VIM: variants seen among roughly 807,000 people sequenced by gnomAD.
VIM encodes epididymis secretory sperm binding protein.
VIM carries 18 observed loss-of-function variants against 50.3 expected under a neutral mutation model. The observed-to-expected ratio is 0.36, with a 90% confidence interval of 0.25 to 0.53. VIM has a LOEUF of 0.53. VIM is among the 20% of genes least tolerant of loss of function. VIM has a pLI of 0.91. For missense variants in VIM, 551 were observed against 614.7 expected (o/e 0.90, Z 1.10); for synonymous variants, 245 against 248.5 (o/e 0.99, Z 0.13).
chr10:17,234,618 A>G (rs1846854390), intron 5 of VIM, 75 bp from the exon 6 acceptor site: 2 of 1,598,600 alleles, frequency 1.3e-6, no homozygotes, highest in East Asian at 2.2e-5. Flanking sequence ...TCAGTGAGAA[A>G]TATGATTTTT....
Position 17,233,137 on chromosome 10 carries a change from G to A in VIM, c.625-450G>A, listed in dbSNP as rs1050084782. On this transcript the variant is annotated intron_variant, in intron 3 of 9. Transcript: ENST00000544301. ...TAATTTTTGTATTTTTGGTAGAGAC[G>A]GGGTTTCGCCATGTTGGCTAGGCTG... 3.3e-5 allele frequency: 7 copies of A among 215,020 alleles called. No individual in the cohort carries two copies. In the East Asian group the frequency reaches 4.9e-4, roughly 15 times the overall value. The allele number at this position is 215,020 out of a possible 1,614,324, so 13.3% of individuals were successfully genotyped here.
At position 17,229,508 on chromosome 10, in the gene VIM, G is replaced by C; in HGVS notation, c.86G>C (p.Ser29Thr). The C allele has an allele frequency of 6.2e-7, 1 of 1,608,134 alleles. No individual in the cohort carries two copies. Among genetic ancestry groups the C allele is most frequent in the Non-Finnish European group, 8.5e-7 (1 of 1,179,184 alleles). ...GTASRPSSSR[S>T]YVTTSTRTYS... is the part of the protein sequence containing the mutation. ...GCGAGCCGGCCGAGCTCCAGCCGGA[G>C]CTACGTGACTACGTCCACCCGCACC... The change falls in exon 2 of 10, where the codon AGC becomes ACC. Residue 29 changes from serine to threonine, a missense_variant. Ser to Thr is a moderately conservative substitution (Grantham distance 58, BLOSUM62 1). Around this residue, in one of 3 missense-constraint regions of VIM, gnomAD observed 134 missense variants for 126.4 expected, o/e 1.06. Transcript: ENST00000544301.
rs541300349 is a variant in VIM, at chr10:17,237,441, A to C, written c.*170A>C. On this transcript the variant is annotated 3_prime_UTR_variant, in exon 10 of 10. Transcript: ENST00000544301. ...AACAACCGACACTCCTACAAGATTT[A>C]GAAAAAAGTTTACAACATAATCTAG... 9.3e-6 allele frequency: 6 copies of C among 644,174 alleles called. No individual in the cohort carries two copies. The highest frequency in any genetic ancestry group is 9.2e-5 in the African/African-American group (5 of 54,356). 39.9% of individuals were successfully genotyped at this position (644,174 alleles called of 1,614,324 possible).
intron 2 of VIM, 88 bp from the exon 3 acceptor site, chr10:17,230,562 C>T: frequency 2.8e-6 from 4 of 1,407,846 alleles, no homozygotes; most frequent in Non-Finnish European, 4.0e-6. Context: ...GCTCTGGAGG[C>T]GCAGAGCGAA....
chr10:17,236,583 A>G (rs1846892964), intron 9 of VIM, among the ~76,000 whole-genome samples: 3 of 152,234 alleles, frequency 2.0e-5, no homozygotes. Context: ...AAGTTGAGAT[A>G]GCAGTCTTCC....
chr10:17,237,176 A>C, intron 9 of VIM, 54 bp from the exon 10 acceptor site: 1 of 1,458,348 alleles, frequency 6.9e-7, no homozygotes, highest in Non-Finnish European at 9.5e-7. Context: ...ATATAGGATA[A>C]TTTAGTCTTT....
At chr10:17,229,246 T>G in intron 1 of VIM, 30 bp from the exon 2 acceptor site, 1 of 593,598 alleles carries the variant, frequency 1.7e-6, no homozygotes, top group East Asian at 3.4e-5. Context: ...CTAACGGGGT[T>G]ATAAAAACAG....
intron 6 of VIM, 133 bp from the exon 7 acceptor site, chr10:17,235,036 C>A: frequency 8.4e-7 from 1 of 1,192,874 alleles, no homozygotes; most frequent in Non-Finnish European, 1.2e-6. Context: ...TTGGTACTCG[C>A]ATTCTCCACC....
intron 2 of VIM, chr10:17,230,375 G>T (rs947719227): frequency 1.7e-6 from 1 of 576,272 alleles, no homozygotes; most frequent in Non-Finnish European, 3.1e-6. Context: ...GGGGAAGGCG[G>T]TGGAGGGAGC....
Position 17,229,703 on chromosome 10 carries a change from C to T in VIM, c.281C>T (p.Thr94Ile). The T allele has an allele frequency of 6.4e-7, 1 of 1,571,480 alleles. No homozygotes were observed. The highest frequency in any genetic ancestry group is 1.2e-5 in the South Asian group (1 of 86,112). Residue 94 changes from threonine (T) to isoleucine (I), a missense_variant, in exon 2 of 10, where the codon ACC becomes ATC. Physicochemically the swap from Thr to Ile is moderately conservative, Grantham distance 89. Coordinates refer to ENST00000544301, the MANE Select transcript of VIM (RefSeq NM_003380.5). The stretch of plus-strand genomic sequence containing the variant: ...TTCTCGCTGGCCGACGCCATCAACA[C>T]CGAGTTCAAGAACACCCGCACCAAC... ...VDFSLADAIN[T>I]EFKNTRTNEK... is the part of the protein sequence containing the mutation.
intron 7 of VIM, 149 bp downstream of exon 7, chr10:17,235,538 G>C: frequency 1.1e-6 from 1 of 904,352 alleles, no homozygotes; most frequent in Non-Finnish European, 1.7e-6. Flanking sequence ...AATTTGAATT[G>C]AGAGAGAGTA....
At position 17,229,506 on chromosome 10, in the gene VIM, G is replaced by A. The variant is rs1259578413; in HGVS notation, c.84G>A (p.Arg28=). The change falls in exon 2 of 10, where the codon CGG becomes CGA. Residue 28 remains arginine, a synonymous_variant. Coordinates refer to ENST00000544301, the MANE Select transcript of VIM (RefSeq NM_003380.5). The stretch of plus-strand genomic sequence containing the variant: ...CCGCGAGCCGGCCGAGCTCCAGCCG[G>A]AGCTACGTGACTACGTCCACCCGCA... ...PGTASRPSSS[R]SYVTTSTRTY... The A allele has an allele frequency of 1.2e-6, 2 of 1,607,954 alleles. No homozygotes were observed. The highest frequency in any genetic ancestry group is 2.7e-5 in the African/African-American group (2 of 74,834).
rs1049424533 is a variant in VIM, at chr10:17,235,201, G to A, written c.1041G>A (p.Met347Ile). Residue 347 changes from methionine (M) to isoleucine (I), a missense_variant, in exon 7 of 10, where the codon ATG becomes ATA. By Grantham distance (10) the Met-to-Ile change is conservative (BLOSUM62 1). Around this residue, in one of 3 missense-constraint regions of VIM, gnomAD observed 394 missense variants for 437.5 expected, o/e 0.90. Coordinates refer to ENST00000544301, the MANE Select transcript of VIM (RefSeq NM_003380.5). ...CCCTGGAACGCCAGATGCGTGAAAT[G>A]GAAGAGAACTTTGCCGTTGAAGCTG... ...NESLERQMRE[M>I]EENFAVEAAN... 1.9e-6 allele frequency: 3 copies of A among 1,614,108 alleles called. No individual in the cohort carries two copies. Among genetic ancestry groups the A allele is most frequent in the Non-Finnish European group, 2.5e-6 (3 of 1,180,048 alleles).
In VIM at chr10:17,229,793, T is replaced by C; in HGVS notation, c.371T>C (p.Leu124Pro). The C allele has an allele frequency of 6.3e-7, 1 of 1,595,308 alleles. No individual in the cohort carries two copies. The highest frequency in any genetic ancestry group is 8.5e-7 in the Non-Finnish European group (1 of 1,170,876). The change falls in exon 2 of 10, where the codon CTG becomes CCG. Residue 124 changes from leucine (L) to proline (P), a missense_variant. Around this residue, in one of 3 missense-constraint regions of VIM, gnomAD observed 394 missense variants for 437.5 expected, o/e 0.90. Transcript: ENST00000544301. ...FANYIDKVRF[L>P]EQQNKILLAE... The stretch of plus-strand genomic sequence containing the variant: ...AACTACATCGACAAGGTGCGCTTCC[T>C]GGAGCAGCAGAATAAGATCCTGCTG...
chr10:17,234,682 C>A lies in VIM; in HGVS notation c.883-11C>A. 6.2e-7 allele frequency: 1 copy of A among 1,613,616 alleles called. No individual in the cohort carries two copies. On this transcript the variant is annotated splice_polypyrimidine_tract_variant and intron_variant, in intron 5 of 9. Transcript: ENST00000544301. ...TGTGAGCAATCTACATTTCTGTTTT[C>A]TTCCCAACAGTTTGCTGACCTCTCT...
chr10:17,230,815 A>G (rs754370566), intron 3 of VIM, 105 bp downstream of exon 3: 5 of 1,341,292 alleles, frequency 3.7e-6, no homozygotes, highest in Non-Finnish European at 5.3e-6. Context: ...GCAAAACTTC[A>G]GGGCTGCGCG....
intron 3 of VIM, among the ~76,000 whole-genome samples, chr10:17,232,878 G>A (rs538845155): frequency 6.6e-6 from 1 of 152,320 alleles, no homozygotes; most frequent in African/African-American, 2.4e-5. Flanking sequence ...GTTATTCCAT[G>A]AAATTACAAA....
At chr10:17,230,270 G>T (rs1018161842) in intron 2 of VIM, 1 of 578,674 alleles carries the variant, frequency 1.7e-6, no homozygotes. Context: ...GCAGTTGAAG[G>T]CCCTTGGGCA....
Position 17,229,460 on chromosome 10 carries a change from G to A in VIM, c.38G>A (p.Arg13Lys), listed in dbSNP as rs1846739569. The stretch of plus-strand genomic sequence containing the variant: ...TCCGTGTCCTCGTCCTCCTACCGCA[G>A]GATGTTCGGCGGCCCGGGCACCGCG... ...TRSVSSSSYRRMFGGPGTASR... is the reference protein window; with the variant it reads ...TRSVSSSSYRKMFGGPGTASR... Residue 13 changes from arginine (R) to lysine (K), a missense_variant, in exon 2 of 10, where the codon AGG (arginine) becomes AAG (lysine). Arg to Lys is a conservative substitution (Grantham distance 26). Transcript: ENST00000544301. 1.9e-6 allele frequency: 3 copies of A among 1,607,100 alleles called. No individual in the cohort carries two copies. The highest frequency in any genetic ancestry group is 1.1e-5 in the South Asian group (1 of 90,832).
Sources: gnomAD v4.1 joint callset for allele counts (sites outside exome capture counted in the v4.1 genomes callset) on GRCh38, gnomAD v4.1.1 for gene constraint, gnomAD v4.1.1 regional missense constraint, MANE v1.5 for transcripts, NCBI Gene and HGNC (gene_info 2026-07-23, HGNC 2026-07-21) for gene names.